NEK5: variants seen among roughly 807,000 people sequenced by gnomAD.
The protein encoded by NEK5 is NIMA related kinase 5.
NEK5 carries 88 observed loss-of-function variants against 109.2 expected under a neutral mutation model. The observed-to-expected ratio is 0.81, with a 90% CI of 0.68 to 0.96. The LOEUF (loss-of-function observed/expected upper bound fraction) is 0.96. NEK5 is among the 40% of genes least tolerant of loss of function. The probability of loss-of-function intolerance (pLI) is 0.00; values close to 1 mark genes in which losing one functional copy is unlikely to be tolerated. For synonymous variants in NEK5, 283 were observed against 299.9 expected (o/e 0.94, Z 0.58); for missense variants, 834 against 920.7 (o/e 0.91, Z 1.22).
chr13:52,062,754 A>C (rs1444809891), intron 21 of NEK5, among the ~76,000 whole-genome samples: 3 of 152,138 alleles, frequency 2.0e-5, no homozygotes, highest in Non-Finnish European at 2.9e-5. Context: ...GCTATGTGAG[A>C]GGTTCAAATG....
intron 12 of NEK5, among the ~76,000 whole-genome samples, chr13:52,098,004 C>G (rs1955452983): frequency 6.6e-6 from 1 of 152,158 alleles, no homozygotes; most frequent in African/African-American, 2.4e-5. Flanking sequence ...CCCCTTTGCT[C>G]TCTTTCTCCT....
At chr13:52,040,130 G>A (rs1954401172) in intron 23 of NEK5, among the ~76,000 whole-genome samples, 1 of 146,276 alleles carries the variant, frequency 6.8e-6, no homozygotes, top group African/African-American at 2.5e-5. Context: ...TGTCCCCCAG[G>A]CTTGAGTGCA....
Position 52,089,076 on chromosome 13 carries a change from C to A in NEK5, c.1275+171G>T, listed in dbSNP as rs1483548812. ...ACTGCACTCCAGCCTGGTGACAGAGCGAGACTCTGTCTCAGAAAACAACAA... is the reference window on the plus strand; with the variant it reads ...ACTGCACTCCAGCCTGGTGACAGAGAGAGACTCTGTCTCAGAAAACAACAA... On this transcript the variant is annotated intron_variant, in intron 14 of 23. Transcript: ENST00000684899. Among the ~76,000 whole-genome samples the A allele has an allele frequency of 5.5e-5, 7 of 127,298 alleles. No homozygotes were observed. In the East Asian group the frequency reaches 1.2e-3, roughly 22 times the overall value. The allele number at this position is 127,298 out of a possible 152,430, so 83.5% of individuals were successfully genotyped here. A position where few individuals can be genotyped will look rare whatever the true frequency, so the allele number is the denominator to read the frequency against.
intron 23 of NEK5, among the ~76,000 whole-genome samples, chr13:52,038,869 C>T (rs977506110): frequency 6.8e-6 from 1 of 146,272 alleles, no homozygotes; most frequent in Non-Finnish European, 1.5e-5. Context: ...ATTTAAACTC[C>T]TCTTTCAGCG....
rs934247962 is a variant in NEK5 at position 52,034,187 on chromosome 13, T to G, written c.*2761A>C. 1.3e-5 allele frequency: 2 copies of G among 152,206 alleles called. No homozygotes were observed. The highest frequency in any genetic ancestry group is 1.5e-5 in the Non-Finnish European group (1 of 68,036). 9.4% of individuals were successfully genotyped at this position (152,206 alleles called of 1,614,324 possible). On this transcript the variant is annotated 3_prime_UTR_variant, in exon 24 of 24. Coordinates refer to ENST00000684899, the MANE Select transcript of NEK5 (RefSeq NM_001365552.1). ...GACACTGATTTTTCTAATAAAAAAA[T>G]TTTTAATGCATACAGGTCTGGTGAA...
chr13:52,041,204 C>G (rs1037485905), intron 23 of NEK5, among the ~76,000 whole-genome samples: 23 of 152,002 alleles, frequency 1.5e-4, no homozygotes, highest in African/African-American at 4.3e-4. Flanking sequence ...AAAAATTGGA[C>G]CATGAACTAA....
intron 12 of NEK5, among the ~76,000 whole-genome samples, chr13:52,099,531 A>G (rs1023570114): frequency 1.3e-5 from 2 of 152,198 alleles, no homozygotes. Flanking sequence ...TTAGCTGGGC[A>G]TAGTGGCACA....
chr13:52,073,314 C>G (rs1486492391), intron 19 of NEK5, among the ~76,000 whole-genome samples: 2 of 150,984 alleles, frequency 1.3e-5, no homozygotes, highest in Non-Finnish European at 3.0e-5. Flanking sequence ...AAACATTTTT[C>G]TTTCCCTTTT....
chr13:52,127,298 T>C, intron 3 of NEK5, 68 bp downstream of exon 3: 2 of 863,200 alleles, frequency 2.3e-6, no homozygotes, highest in South Asian at 3.0e-5. Context: ...AAATTTCCTT[T>C]TTATATTGGA....
intron 16 of NEK5, among the ~76,000 whole-genome samples, chr13:52,084,734 T>TGAGTGA (rs1955087904): frequency 9.1e-6 from 1 of 110,040 alleles, no homozygotes; most frequent in Non-Finnish European, 1.8e-5. Flanking sequence ...AGAGAGAGAG[T>TGAGTGA]GAGAGAGAGA....
intron 23 of NEK5, among the ~76,000 whole-genome samples, chr13:52,044,571 T>C (rs1246797010): frequency 2.6e-5 from 4 of 152,204 alleles, no homozygotes; most frequent in Non-Finnish European, 4.4e-5. Flanking sequence ...GTAAATGAAC[T>C]ATCAATATAT....
intron 23 of NEK5, among the ~76,000 whole-genome samples, chr13:52,046,829 G>A (rs1479079381): frequency 6.6e-6 from 1 of 151,570 alleles, no homozygotes; most frequent in Admixed American, 6.6e-5. Context: ...CAAAATAAAA[G>A]GCAAAAACCA....
intron 21 of NEK5, among the ~76,000 whole-genome samples, chr13:52,062,938 C>T (rs1222481274): frequency 1.3e-5 from 2 of 152,026 alleles, no homozygotes; most frequent in Non-Finnish European, 2.9e-5. Flanking sequence ...AAAAATGACC[C>T]GACAACAATG....
intron 7 of NEK5, 78 bp downstream of exon 7, chr13:52,110,262 C>G: frequency 2.1e-6 from 2 of 937,344 alleles, no homozygotes; most frequent in Non-Finnish European, 3.4e-6. Flanking sequence ...ATTTTAATAT[C>G]TTCTTAATCC....
chr13:52,099,628 C>A, intron 12 of NEK5, 115 bp downstream of exon 12: 8 of 1,107,280 alleles, frequency 7.2e-6, no homozygotes, highest in Non-Finnish European at 1.0e-5. Context: ...CGAGATCGCG[C>A]CACTGCACTC....
intron 22 of NEK5, among the ~76,000 whole-genome samples, chr13:52,057,703 CAT>C (rs1954572822): frequency 1.3e-5 from 2 of 152,158 alleles, no homozygotes; most frequent in African/African-American, 4.8e-5. Flanking sequence ...ACAAAAACCA[CAT>C]GATTATCTCA....
intron 16 of NEK5, 123 bp downstream of exon 16, chr13:52,086,154 A>T: frequency 1.4e-6 from 1 of 720,902 alleles, no homozygotes; most frequent in Non-Finnish European, 2.4e-6. Context: ...AAAGAAGTCT[A>T]CATGATTATC....
chr13:52,072,432 T>G (rs1954799385), intron 19 of NEK5, among the ~76,000 whole-genome samples: 1 of 152,234 alleles, frequency 6.6e-6, no homozygotes, highest in Non-Finnish European at 1.5e-5. Flanking sequence ...TCCCTAAATC[T>G]GCTCCTAGTA....
Position 52,099,746 on chromosome 13 carries a change from T to G in NEK5, c.1023A>C (p.Arg341Ser). The G allele has an allele frequency of 6.2e-7, 1 of 1,613,284 alleles. No individual in the cohort carries two copies. Among genetic ancestry groups the G allele is most frequent in the South Asian group, 1.1e-5 (1 of 90,830 alleles). The change falls in exon 12 of 24, where the codon AGA becomes AGC. Residue 341 changes from arginine to serine, a missense_variant. By Grantham distance (110) the Arg-to-Ser change is moderately radical. Transcript: ENST00000684899. ...AGGAGGGTTTAGAATGACTTACAGA[T>G]CTGGCCTTCTGGGCTCCAGCTGGTG... Reference protein sequence around the residue: ...WRPPAGAQKARSIKMIERPKI... With the variant: ...WRPPAGAQKASSIKMIERPKI...
Sources: allele counts gnomAD v4.1 joint callset (sites outside exome capture counted in the v4.1 genomes callset), GRCh38; gene constraint gnomAD v4.1.1; transcripts MANE v1.5; gene names NCBI Gene and HGNC (gene_info 2026-07-23, HGNC 2026-07-21).